C8orf34: variants seen among roughly 807,000 people sequenced by gnomAD.
The protein encoded by C8orf34 is chromosome 8 open reading frame 34, also known as uncharacterized protein C8orf34.
C8orf34 carries 65 observed loss-of-function variants against 68.3 expected under a neutral mutation model. That is an observed-to-expected ratio of 0.95 (90% CI 0.78 to 1.17). The LOEUF (loss-of-function observed/expected upper bound fraction) is 1.17, where lower values mean the gene tolerates loss of function less well. Ranked by LOEUF, C8orf34 falls within the 50% of genes most tolerant of loss-of-function variation. The pLI, the probability that C8orf34 is intolerant of heterozygous loss-of-function variation, is 0.00. For missense variants in C8orf34, 664 were observed against 655.4 expected (o/e 1.01, Z -0.14); for synonymous variants, 244 against 241.2 (o/e 1.01, Z -0.11).
intron 5 of C8orf34, among the ~76,000 whole-genome samples, chr8:68,520,616 A>G (rs1814710355): frequency 7.7e-6 from 1 of 130,138 alleles, no homozygotes; most frequent in African/African-American, 3.5e-5. Context: ...ACGCCCGGCT[A>G]ATTTTTTTTT....
At chr8:68,433,480 T>C (rs781297792) in intron 1 of C8orf34, among the ~76,000 whole-genome samples, 2 of 152,216 alleles carry the variant, frequency 1.3e-5, no homozygotes, top group Non-Finnish European at 2.9e-5. Context: ...TGTTTCCTAA[T>C]AACTTTCCCC....
In C8orf34 at chr8:68,818,393, AG is replaced by A. The variant is rs574638409; in HGVS notation, c.*152del. The A allele has an allele frequency of 6.9e-5, 61 of 886,776 alleles. No homozygotes were observed. In the South Asian group the frequency reaches 9.8e-4, roughly 14 times the overall value. The allele number at this position is 886,776 out of a possible 1,614,324, so 54.9% of individuals were successfully genotyped here. A position where few individuals can be genotyped will look rare whatever the true frequency, so the allele number is the denominator to read the frequency against. On this transcript the variant is annotated 3_prime_UTR_variant, in exon 14 of 14. Transcript: ENST00000518698. The stretch of plus-strand genomic sequence containing the variant: ...ATAATAAACAAGTACTATCGTAGCC[AG>A]GGGGTGCCCAAGTATGTAATCAGAG...
At position 68,709,066 on chromosome 8, in the gene C8orf34, C is replaced by G. The variant is rs757153217; in HGVS notation, c.1314C>G (p.Ile438Met). 1 of 1,611,214 alleles carries G rather than the reference C, an allele frequency of 6.2e-7. No individual in the cohort carries two copies. The highest frequency in any genetic ancestry group is 2.2e-5 in the East Asian group (1 of 44,700). Residue 438 changes from isoleucine (I) to methionine (M), a missense_variant, in exon 9 of 14, where the codon ATC becomes ATG. Ile to Met is a conservative substitution (Grantham distance 10). Transcript: ENST00000518698. ...TACTCCATTCTCCAGATGAAAAAAT[C>G]CCAGATTCATTCGGTAAGTTTTAAG... is the stretch of plus-strand genomic sequence containing the variant. ...LPILHSPDEKIPDSFDSLPGT... is the reference protein window; with the variant it reads ...LPILHSPDEKMPDSFDSLPGT...
At chr8:68,422,104 C>T (rs1810004133) in intron 1 of C8orf34, among the ~76,000 whole-genome samples, 1 of 152,160 alleles carries the variant, frequency 6.6e-6, no homozygotes, top group Non-Finnish European at 1.5e-5. Flanking sequence ...AGAGCCAAAC[C>T]ATGTCATTCT....
At chr8:68,767,164 C>T (rs1479908421) in intron 10 of C8orf34, among the ~76,000 whole-genome samples, 3 of 152,070 alleles carry the variant, frequency 2.0e-5, no homozygotes, top group East Asian at 3.9e-4. Flanking sequence ...CCACTGCACT[C>T]CAGCCTAGGC....
chr8:68,667,974 G>A (rs1200613451), intron 8 of C8orf34, among the ~76,000 whole-genome samples: 4 of 152,042 alleles, frequency 2.6e-5, no homozygotes, highest in Non-Finnish European at 5.9e-5. Flanking sequence ...ATAAAATTCT[G>A]CCATGAAACA....
At chr8:68,350,075 C>A (rs1043539693) in intron 1 of C8orf34, among the ~76,000 whole-genome samples, 1 of 151,858 alleles carries the variant, frequency 6.6e-6, no homozygotes, top group South Asian at 2.1e-4. Context: ...AATTTCAGAT[C>A]TTTCCAATTT....
chr8:68,757,486 C>T (rs963926811), intron 10 of C8orf34, among the ~76,000 whole-genome samples: 15 of 152,074 alleles, frequency 9.9e-5, no homozygotes, highest in Non-Finnish European at 1.8e-4. Flanking sequence ...AAAAATTAGC[C>T]GGGTATGATG....
chr8:68,524,579 C>T (rs1187576101), intron 6 of C8orf34, among the ~76,000 whole-genome samples: 2 of 152,148 alleles, frequency 1.3e-5, no homozygotes, highest in Non-Finnish European at 2.9e-5. Context: ...GAGGAATTCA[C>T]CGAACAGAGA....
chr8:68,444,087 G>T (rs887725222), intron 2 of C8orf34, among the ~76,000 whole-genome samples: 1 of 151,868 alleles, frequency 6.6e-6, no homozygotes, highest in African/African-American at 2.4e-5. Flanking sequence ...GCTTTTCTTT[G>T]TTGACTCTCT....
intron 7 of C8orf34, among the ~76,000 whole-genome samples, chr8:68,560,214 C>A (rs915623364): frequency 7.9e-5 from 12 of 151,336 alleles, no homozygotes; most frequent in African/African-American, 2.9e-4. Flanking sequence ...GCATTATGCA[C>A]CTACAGAGGT....
chr8:68,407,494 T>A (rs987538022), intron 1 of C8orf34, among the ~76,000 whole-genome samples: 2 of 152,198 alleles, frequency 1.3e-5, no homozygotes, highest in African/African-American at 4.8e-5. Context: ...GTAGCATTTT[T>A]CCCCTCTGAA....
intron 13 of C8orf34, among the ~76,000 whole-genome samples, 176 bp from the exon 14 acceptor site, chr8:68,818,063 A>C (rs191977861): frequency 6.6e-6 from 1 of 152,342 alleles, no homozygotes; most frequent in Admixed American, 6.5e-5. Context: ...CAGATATCAG[A>C]AATTGATATA....
intron 8 of C8orf34, among the ~76,000 whole-genome samples, chr8:68,678,888 G>A (rs1233949348): frequency 1.4e-5 from 2 of 144,666 alleles, no homozygotes; most frequent in Non-Finnish European, 1.5e-5. Context: ...TGTTAGAACT[G>A]ATAAACAAAG....
At chr8:68,403,330 G>A (rs192691274) in intron 1 of C8orf34, among the ~76,000 whole-genome samples, 1 of 152,084 alleles carries the variant, frequency 6.6e-6, no homozygotes, top group Admixed American at 6.6e-5. Context: ...CCATCTCTTG[G>A]AAACCTTGAG....
intron 1 of C8orf34, among the ~76,000 whole-genome samples, chr8:68,344,596 A>G (rs1030446613): frequency 6.6e-6 from 1 of 152,206 alleles, no homozygotes; most frequent in Admixed American, 6.5e-5. Context: ...TAACAGCTGA[A>G]TATGAGTCTA....
At chr8:68,533,333 A>T in intron 7 of C8orf34, 184 bp downstream of exon 7, 4 of 1,349,892 alleles carry the variant, frequency 3.0e-6, no homozygotes, top group Non-Finnish European at 3.8e-6. Flanking sequence ...GAAATACCCT[A>T]AGCATATGAA....
chr8:68,727,589 G>T (rs1430581256), intron 10 of C8orf34, among the ~76,000 whole-genome samples: 6 of 152,248 alleles, frequency 3.9e-5, no homozygotes, highest in African/African-American at 1.4e-4. Context: ...TACAGGCCCT[G>T]CTCCTGCAGC....
intron 10 of C8orf34, among the ~76,000 whole-genome samples, chr8:68,743,328 T>A (rs1822359837): frequency 6.6e-6 from 1 of 152,202 alleles, no homozygotes; most frequent in Non-Finnish European, 1.5e-5. Context: ...TGTTGAGGCA[T>A]AATTTAGGTA....
Sources: allele counts gnomAD v4.1 joint callset (sites outside exome capture counted in the v4.1 genomes callset), GRCh38; gene constraint gnomAD v4.1.1; transcripts MANE v1.5; gene names NCBI Gene and HGNC (gene_info 2026-07-23, HGNC 2026-07-21).